Variants in ANKS1B observed in about 807,000 individuals in gnomAD.
The protein encoded by ANKS1B is ankyrin repeat and sterile alpha motif domain-containing protein 1B.
Under a neutral mutation model 148.3 loss-of-function variants are expected in ANKS1B, and 36 were observed. The ratio of observed to expected loss-of-function variants is 0.24; its 90% confidence interval spans 0.19 to 0.32. The LOEUF (loss-of-function observed/expected upper bound fraction) is 0.32. ANKS1B is among the 10% of genes least tolerant of loss of function. The pLI, the probability that ANKS1B is intolerant of heterozygous loss-of-function variation, is 1.00. For missense variants in ANKS1B, 1,157 were observed against 1,542.6 expected (o/e 0.75, Z 4.19); for synonymous variants, 542 against 560.8 (o/e 0.97, Z 0.47).
At chr12:99,812,368 A>C in intron 2 of ANKS1B, 57 bp from the exon 3 acceptor site, 1 of 1,525,864 alleles carries the variant, frequency 6.6e-7, no homozygotes, top group Admixed American at 1.9e-5. Flanking sequence ...ACTGTATTAA[A>C]TAGGTAATTT....
rs371433842 is a variant in ANKS1B at position 99,060,616 on chromosome 12, T to TTA, written c.2626-7309_2626-7308dup. ...TTATGGATCTGTTATATATATGTGG[T>TTA]TATATATATATATACACACATATAC... On this transcript the variant is annotated intron_variant, in intron 16 of 26. Transcript: ENST00000683438. Among the ~76,000 whole-genome samples the TTA allele has an allele frequency of 1.4e-3, 207 of 144,112 alleles. 1 individual carries two copies. The highest frequency in any genetic ancestry group is 3.4e-3 in the Middle Eastern group (1 of 290). 94.5% of individuals were successfully genotyped at this position (144,112 alleles called of 152,430 possible).
chr12:99,716,551 G>A (rs908872994), intron 8 of ANKS1B, among the ~76,000 whole-genome samples: 4 of 151,878 alleles, frequency 2.6e-5, no homozygotes, highest in South Asian at 2.1e-4. Flanking sequence ...CTGCAATGCC[G>A]CTTGACCCCA....
At chr12:99,642,902 C>T (rs984527658) in intron 9 of ANKS1B, among the ~76,000 whole-genome samples, 1 of 152,188 alleles carries the variant, frequency 6.6e-6, no homozygotes, top group Non-Finnish European at 1.5e-5. Flanking sequence ...CTTCCTCCAT[C>T]TTCAAAGCTA....
At chr12:99,928,724 C>T (rs2094538020) in intron 1 of ANKS1B, among the ~76,000 whole-genome samples, 1 of 152,188 alleles carries the variant, frequency 6.6e-6, no homozygotes, top group Non-Finnish European at 1.5e-5. Context: ...ATATAAAAAG[C>T]TAACACACAT....
intron 11 of ANKS1B, among the ~76,000 whole-genome samples, chr12:99,443,102 AAG>A (rs1191430070): frequency 6.6e-6 from 1 of 151,992 alleles, no homozygotes; most frequent in Non-Finnish European, 1.5e-5. Context: ...GAAGGGAGAA[AAG>A]AGAGAAATCC....
intron 11 of ANKS1B, among the ~76,000 whole-genome samples, chr12:99,413,946 ACCGAGG>A (rs2094806833): frequency 6.6e-6 from 1 of 152,004 alleles, no homozygotes; most frequent in African/African-American, 2.4e-5. Context: ...ACACACCCTG[ACCGAGG>A]CCCTGAGAGT....
At chr12:99,718,124 C>T (rs866818197) in intron 8 of ANKS1B, among the ~76,000 whole-genome samples, 4 of 151,882 alleles carry the variant, frequency 2.6e-5, no homozygotes, top group South Asian at 2.1e-4. Flanking sequence ...AGGATGGTCT[C>T]GATCTGACCT....
At chr12:98,759,651 T>C (rs1186551744) in intron 25 of ANKS1B, among the ~76,000 whole-genome samples, 3 of 152,206 alleles carry the variant, frequency 2.0e-5, no homozygotes, top group African/African-American at 2.4e-5. Context: ...GGTTCACTGA[T>C]ACATGTGCAA....
At chr12:99,534,795 C>A (rs779590745) in intron 9 of ANKS1B, among the ~76,000 whole-genome samples, 1 of 150,300 alleles carries the variant, frequency 6.7e-6, no homozygotes, top group Non-Finnish European at 1.5e-5. Flanking sequence ...CTGCAAGCTC[C>A]ACCTCCCGGG....
chr12:99,265,421 G>A (rs2076353102), intron 12 of ANKS1B, among the ~76,000 whole-genome samples: 1 of 152,120 alleles, frequency 6.6e-6, no homozygotes, highest in Non-Finnish European at 1.5e-5. Context: ...TACCATTAAT[G>A]CACATTCTTA....
At chr12:99,464,245 G>T (rs910563053) in intron 10 of ANKS1B, among the ~76,000 whole-genome samples, 1 of 152,082 alleles carries the variant, frequency 6.6e-6, no homozygotes, top group Middle Eastern at 3.2e-3. Flanking sequence ...TCTGTTAGAG[G>T]GAAAACTAAC....
intron 9 of ANKS1B, among the ~76,000 whole-genome samples, chr12:99,563,024 C>T (rs1473833326): frequency 6.6e-6 from 1 of 152,110 alleles, no homozygotes; most frequent in Non-Finnish European, 1.5e-5. Flanking sequence ...ACTTTTCTTC[C>T]GAAGCTTCTT....
intron 9 of ANKS1B, among the ~76,000 whole-genome samples, chr12:99,523,821 G>A (rs2096900482): frequency 6.6e-6 from 1 of 152,098 alleles, no homozygotes; most frequent in Admixed American, 6.5e-5. Context: ...CAAAGTGCTG[G>A]GACTACAGGC....
At chr12:99,470,132 A>ATAC (rs1255178472) in intron 10 of ANKS1B, among the ~76,000 whole-genome samples, 2 of 151,726 alleles carry the variant, frequency 1.3e-5, no homozygotes, top group Non-Finnish European at 2.9e-5. Context: ...AATAATAATA[A>ATAC]TAATAATAAA....
At chr12:99,420,624 C>CT (rs970569446) in intron 11 of ANKS1B, among the ~76,000 whole-genome samples, 27 of 152,064 alleles carry the variant, frequency 1.8e-4, no homozygotes, top group Non-Finnish European at 3.8e-4. Context: ...AAAAGTTTGT[C>CT]TTTTTTTCCT....
chr12:99,036,324 T>C (rs2153476019), intron 17 of ANKS1B, among the ~76,000 whole-genome samples: 1 of 152,322 alleles, frequency 6.6e-6, no homozygotes, highest in East Asian at 1.9e-4. Context: ...GGAGGTTTTT[T>C]TTTTTCTTAA....
At chr12:99,192,439 C>T (rs2080859972) in intron 14 of ANKS1B, among the ~76,000 whole-genome samples, 1 of 152,036 alleles carries the variant, frequency 6.6e-6, no homozygotes, top group African/African-American at 2.4e-5. Flanking sequence ...ATGATTTCTT[C>T]TGATTAACAA....
chr12:99,936,885 C>G (rs2094788916), intron 1 of ANKS1B, among the ~76,000 whole-genome samples: 1 of 151,856 alleles, frequency 6.6e-6, no homozygotes, highest in South Asian at 2.1e-4. Context: ...ATTCAATGAT[C>G]AGTAGTTTGT....
chr12:99,181,087 A>G (rs1237909893), intron 14 of ANKS1B, among the ~76,000 whole-genome samples: 1 of 152,216 alleles, frequency 6.6e-6, no homozygotes, highest in Non-Finnish European at 1.5e-5. Flanking sequence ...GCATAAAAAT[A>G]TAGCTTTCCT....
Sources: gnomAD v4.1 joint callset for allele counts (sites outside exome capture counted in the v4.1 genomes callset) on GRCh38, gnomAD v4.1.1 for gene constraint, MANE v1.5 for transcripts, NCBI Gene and HGNC (gene_info 2026-07-23, HGNC 2026-07-21) for gene names.